Variants in CD36 observed in about 807,000 individuals in gnomAD.
CD36 encodes CD36 molecule (CD36 blood group).
CD36 carries 119 observed loss-of-function variants against 55.2 expected under a neutral mutation model. The observed-to-expected ratio is 2.15, with a 90% CI of 1.86 to 2.51. The LOEUF (loss-of-function observed/expected upper bound fraction) is 2.51, where lower values mean the gene tolerates loss of function less well. CD36 is among the 30% of genes most tolerant of loss of function. The pLI is 0.00. For synonymous variants in CD36, 186 were observed against 193.6 expected, an observed-to-expected ratio of 0.96 and a Z score of 0.33; for missense variants, 819 against 555.5, an observed-to-expected ratio of 1.47 and a Z score of -4.77.
In CD36 at chr7:80,677,536, T is replaced by A. The variant is rs959142200; in HGVS notation, c.*1153T>A. The stretch of plus-strand genomic sequence containing the variant: ...CCAAGAATCTACCTGTTTGGAAAGA[T>A]CTTTTGCATCTCTGAAGGTGCTTAA... On this transcript the variant is annotated 3_prime_UTR_variant, in exon 15 of 15. Coordinates refer to ENST00000447544, the MANE Select transcript of CD36 (RefSeq NM_001001548.3). 1 of 152,214 alleles carries A rather than the reference T, an allele frequency of 6.6e-6. No homozygotes were observed. Among genetic ancestry groups the A allele is most frequent in the African/African-American group, 2.4e-5 (1 of 41,460 alleles). 9.4% of individuals were successfully genotyped at this position (152,214 alleles called of 1,614,324 possible). A position where few individuals can be genotyped will look rare whatever the true frequency, so the allele number is the denominator to read the frequency against.
intron 3 of CD36, among the ~76,000 whole-genome samples, chr7:80,652,731 A>G (rs1795724604): frequency 6.6e-6 from 1 of 152,210 alleles, no homozygotes; most frequent in African/African-American, 2.4e-5. Context: ...TGACTGGCTT[A>G]GACAGTAAAT....
intron 1 of CD36, among the ~76,000 whole-genome samples, chr7:80,614,482 G>T (rs534190567): frequency 7.9e-5 from 12 of 152,220 alleles, no homozygotes; most frequent in African/African-American, 2.9e-4. Flanking sequence ...TCCTAGTAAG[G>T]TTCTTCTTTA....
intron 3 of CD36, among the ~76,000 whole-genome samples, chr7:80,655,513 G>C (rs1446437315): frequency 6.6e-6 from 1 of 152,116 alleles, no homozygotes; most frequent in Non-Finnish European, 1.5e-5. Context: ...TACCAAAGGA[G>C]CATCAGTGAT....
chr7:80,672,640 T>C (rs1195903789), intron 11 of CD36, 130 bp from the exon 12 acceptor site: 5 of 673,958 alleles, frequency 7.4e-6, no homozygotes, highest in Non-Finnish European at 1.3e-5. Flanking sequence ...ATATGCAGTT[T>C]TAAAAGTTTC....
rs1798229668 is a variant in CD36 at position 80,678,500 on chromosome 7, AG to A, written c.*2120del. ...CAGTTCTGACAGAAAAGGGTGAAGG[AG>A]GGTATCATTTCAAGAAAAAAAATAG... On this transcript the variant is annotated 3_prime_UTR_variant, in exon 15 of 15. Transcript: ENST00000447544. 6.6e-6 allele frequency: 1 copy of A among 152,140 alleles called. No individual in the cohort carries two copies. The highest frequency in any genetic ancestry group is 1.5e-5 in the Non-Finnish European group (1 of 68,026). The allele number at this position is 152,140 out of a possible 1,614,324, so 9.4% of individuals were successfully genotyped here.
intron 1 of CD36, among the ~76,000 whole-genome samples, chr7:80,619,652 A>G (rs934749959): frequency 1.5e-5 from 1 of 67,642 alleles, no homozygotes; most frequent in Non-Finnish European, 3.2e-5. Context: ...GTCTCAAAAC[A>G]GAAAAAAAAA....
intron 1 of CD36, among the ~76,000 whole-genome samples, chr7:80,620,173 G>A (rs1252107682): frequency 6.6e-6 from 1 of 151,964 alleles, no homozygotes; most frequent in Non-Finnish European, 1.5e-5. Flanking sequence ...AGAAGTGTGG[G>A]GGTTTTCCAC....
At chr7:80,664,676 T>C (rs1796869678) in intron 7 of CD36, among the ~76,000 whole-genome samples, 179 bp downstream of exon 7, 1 of 152,066 alleles carries the variant, frequency 6.6e-6, no homozygotes, top group South Asian at 2.1e-4. Flanking sequence ...AACTGGTGAG[T>C]TCACACCAGT....
upstream of CD36, among the ~76,000 whole-genome samples, chr7:80,638,095 G>A (rs1241666768): frequency 1.3e-5 from 2 of 151,832 alleles, no homozygotes; most frequent in Non-Finnish European, 2.9e-5. Context: ...TAGAACAATA[G>A]GCTGTTTCCT....
chr7:80,605,755 T>G (rs1484539937), intron 1 of CD36, among the ~76,000 whole-genome samples: 1 of 152,218 alleles, frequency 6.6e-6, no homozygotes, highest in East Asian at 1.9e-4. Flanking sequence ...AATACTAGTC[T>G]TGATTTTATC....
intron 2 of CD36, 157 bp from the exon 3 acceptor site, chr7:80,646,495 A>G (rs1050441337): frequency 2.0e-6 from 1 of 495,100 alleles, no homozygotes; most frequent in Non-Finnish European, 3.7e-6. Context: ...AAGAAAAGGG[A>G]GACGGACCGA....
chr7:80,653,292 C>G (rs1271086045), intron 3 of CD36, among the ~76,000 whole-genome samples: 1 of 152,196 alleles, frequency 6.6e-6, no homozygotes, highest in Non-Finnish European at 1.5e-5. Flanking sequence ...CATTTGTACT[C>G]TACTCCATGC....
chr7:80,666,948 G>A (rs570996005), intron 8 of CD36, among the ~76,000 whole-genome samples: 5 of 152,114 alleles, frequency 3.3e-5, no homozygotes, highest in Admixed American at 6.5e-5. Flanking sequence ...ATCCATTTTT[G>A]GATAAGGTGG....
At chr7:80,668,663 C>T (rs1292134686) in intron 8 of CD36, among the ~76,000 whole-genome samples, 1 of 152,122 alleles carries the variant, frequency 6.6e-6, no homozygotes, top group Non-Finnish European at 1.5e-5. Context: ...AAAAGCTTTT[C>T]AATGCATTTT....
At chr7:80,616,795 T>A (rs907553043) in intron 1 of CD36, among the ~76,000 whole-genome samples, 2 of 152,162 alleles carry the variant, frequency 1.3e-5, no homozygotes, top group Non-Finnish European at 2.9e-5. Flanking sequence ...ACTGTTACCC[T>A]ACAAGTGCAA....
At chr7:80,641,938 T>C (rs537989526) in intron 1 of CD36, among the ~76,000 whole-genome samples, 341 of 23,954 alleles carry the variant, frequency 0.014, no homozygotes, top group African/African-American at 0.03. Flanking sequence ...GTTGACCTGA[T>C]AACCAAAAAA....
At chr7:80,622,144 C>G (rs1479504826) in intron 1 of CD36, among the ~76,000 whole-genome samples, 2 of 152,190 alleles carry the variant, frequency 1.3e-5, no homozygotes, top group Non-Finnish European at 2.9e-5. Flanking sequence ...GTGGGGGGAC[C>G]ACCCCTGCAT....
At chr7:80,648,717 G>A (rs930954887) in intron 3 of CD36, among the ~76,000 whole-genome samples, 2 of 152,018 alleles carry the variant, frequency 1.3e-5, no homozygotes, top group African/African-American at 2.4e-5. Context: ...AGTAAATGCT[G>A]TAATACTTTG....
At chr7:80,648,466 G>T (rs1046832072) in intron 3 of CD36, among the ~76,000 whole-genome samples, 1 of 151,844 alleles carries the variant, frequency 6.6e-6, no homozygotes, top group Non-Finnish European at 1.5e-5. Context: ...CAACAAAACT[G>T]GTACATGTAG....
Sources: gnomAD v4.1 joint callset for allele counts (sites outside exome capture counted in the v4.1 genomes callset) on GRCh38, gnomAD v4.1.1 for gene constraint, MANE v1.5 for transcripts, NCBI Gene and HGNC (gene_info 2026-07-23, HGNC 2026-07-21) for gene names.